The following PAGE2B variants were observed in gnomAD, a reference collection of about 807,000 sequenced individuals.
The protein encoded by PAGE2B is putative G antigen family E member 3.
PAGE2B carries 5 observed loss-of-function variants against 7.6 expected under a neutral mutation model. The ratio of observed to expected loss-of-function variants is 0.66; its 90% confidence interval spans 0.34 to 1.38. The LOEUF (loss-of-function observed/expected upper bound fraction) is 1.38. PAGE2B is among the 40% of genes most tolerant of loss of function. The pLI, the probability that PAGE2B is intolerant of heterozygous loss-of-function variation, is 0.04. For missense variants in PAGE2B, 70 were observed against 78.4 expected (o/e 0.89, Z 0.41); for synonymous variants, 29 against 26.7 (o/e 1.09, Z -0.27).
chrX:55,057,125 G>A, the PAGE2B span, among the ~76,000 whole-genome samples: 1 of 111,415 alleles, frequency 9.0e-6, no homozygotes, highest in African/African-American at 3.3e-5. Flanking sequence ...GATGGCTGTA[G>A]TGGTAGAGAA....
At chrX:55,071,424 A>G (rs757154702), upstream of PAGE2B, among the ~76,000 whole-genome samples, 2 of 111,880 alleles carry the variant, frequency 1.8e-5, 1 homozygote, top group South Asian at 7.5e-4. Flanking sequence ...ATCCACTGTT[A>G]GTCTGATGGG....
the PAGE2B span, among the ~76,000 whole-genome samples, chrX:55,069,019 A>G: frequency 8.9e-6 from 1 of 111,846 alleles, no homozygotes; most frequent in Non-Finnish European, 1.9e-5. Flanking sequence ...TCCTACCTGC[A>G]TACACTTTAT....
At chrX:55,051,707 C>T in the PAGE2B span, among the ~76,000 whole-genome samples, 10 of 111,337 alleles carry the variant, frequency 9.0e-5, no homozygotes, top group East Asian at 1.1e-3. Context: ...GTTATCCAGT[C>T]GTCTAATTTT....
the PAGE2B span, among the ~76,000 whole-genome samples, chrX:55,054,493 G>T: frequency 3.6e-5 from 4 of 112,009 alleles, no homozygotes; most frequent in South Asian, 3.7e-4. Context: ...ATAAATCATT[G>T]CTTTTATTTT....
the PAGE2B span, among the ~76,000 whole-genome samples, chrX:55,065,189 C>T: frequency 4.5e-3 from 505 of 111,503 alleles, 11 homozygotes; most frequent in Admixed American, 5.6e-3. Flanking sequence ...CTATCTCTTT[C>T]TTTAGCGCTA....
chrX:55,036,683 G>A, the PAGE2B span, among the ~76,000 whole-genome samples: 3 of 110,117 alleles, frequency 2.7e-5, no homozygotes, highest in African/African-American at 1.0e-4. Context: ...AAACAGCATG[G>A]TACTGGTACC....
intron 1 of PAGE2B, 133 bp from the exon 2 acceptor site, chrX:55,075,901 T>A: frequency 1.5e-6 from 1 of 654,977 alleles, no homozygotes; most frequent in Middle Eastern, 5.1e-4. Context: ...TGGGTACTTA[T>A]CAATGCTCTG....
chrX:55,052,390 G>C, the PAGE2B span, among the ~76,000 whole-genome samples: 4 of 112,578 alleles, frequency 3.6e-5, no homozygotes, highest in Non-Finnish European at 5.6e-5. Context: ...TTGTTTGTCT[G>C]TTCCCTGCCC....
chrX:55,053,465 G>A, the PAGE2B span, among the ~76,000 whole-genome samples: 1 of 111,724 alleles, frequency 9.0e-6, no homozygotes, highest in African/African-American at 3.3e-5. Flanking sequence ...AAACCACCAT[G>A]GCACCCATTT....
At chrX:55,068,223 T>G in the PAGE2B span, among the ~76,000 whole-genome samples, 1 of 112,330 alleles carries the variant, frequency 8.9e-6, no homozygotes, top group African/African-American at 3.2e-5. Context: ...CATCTTGAGT[T>G]GTATAAGATG....
the PAGE2B span, among the ~76,000 whole-genome samples, chrX:55,048,543 A>T: frequency 9.0e-6 from 1 of 111,394 alleles, no homozygotes; most frequent in Non-Finnish European, 1.9e-5. Context: ...CTGGATTCCT[A>T]GGTATTTTAT....
chrX:55,061,700 A>T, the PAGE2B span, among the ~76,000 whole-genome samples: 1 of 110,769 alleles, frequency 9.0e-6, no homozygotes, highest in South Asian at 3.8e-4. Context: ...ATTCTTTCTA[A>T]CTATATTTTT....
chrX:55,070,131 G>A (rs1435145992), upstream of PAGE2B, among the ~76,000 whole-genome samples: 3 of 111,123 alleles, frequency 2.7e-5, no homozygotes, highest in African/African-American at 9.8e-5. Context: ...GTGATGTTAG[G>A]ATGTTGATTT....
At chrX:55,040,940 T>C in the PAGE2B span, among the ~76,000 whole-genome samples, 1 of 111,539 alleles carries the variant, frequency 9.0e-6, no homozygotes, top group African/African-American at 3.3e-5. Context: ...ACTTTAGCTG[T>C]ATCTATTTAA....
chrX:55,064,042 G>A, the PAGE2B span, among the ~76,000 whole-genome samples: 1 of 111,056 alleles, frequency 9.0e-6, no homozygotes, highest in Non-Finnish European at 1.9e-5. Flanking sequence ...TCTTTGTCTG[G>A]TTTTGGTATC....
At chrX:55,033,151 T>C in the PAGE2B span, among the ~76,000 whole-genome samples, 2 of 112,124 alleles carry the variant, frequency 1.8e-5, no homozygotes, top group Non-Finnish European at 3.8e-5. Flanking sequence ...CTGTCAGAAA[T>C]GCCTGTTGCA....
the PAGE2B span, among the ~76,000 whole-genome samples, chrX:55,031,591 A>G: frequency 1.8e-5 from 2 of 111,992 alleles, no homozygotes; most frequent in African/African-American, 6.5e-5. Context: ...CCTATGTTAC[A>G]GATGAAGAAA....
the PAGE2B span, among the ~76,000 whole-genome samples, chrX:55,039,303 G>T: frequency 1.8e-5 from 2 of 111,085 alleles, 1 homozygote; most frequent in African/African-American, 6.6e-5. Context: ...TTTCACAGTA[G>T]CGATGAAGAT....
rs1476127292 is a variant in PAGE2B at position 55,076,047 on chromosome X, T to C, written c.6T>C (p.Ser2=). 1.7e-6 allele frequency: 2 copies of C among 1,206,255 alleles called. No individual in the cohort carries two copies. Among genetic ancestry groups the C allele is most frequent in the East Asian group, 5.9e-5 (2 of 33,750 alleles). The change falls in exon 2 of 5, where the codon AGT becomes AGC. Residue 2 remains serine, a synonymous_variant. Coordinates refer to ENST00000374971, the MANE Select transcript of PAGE2B (RefSeq NM_001015038.3). M[S]EHVRTRSQSS... is the part of the protein sequence containing the mutation. ...TTCTATTTTCAGTGGGAAATATGAG[T>C]GAGCATGTGAGAACAAGATCCCAAT...
Sources: allele counts gnomAD v4.1 joint callset (sites outside exome capture counted in the v4.1 genomes callset), GRCh38; gene constraint gnomAD v4.1.1; transcripts MANE v1.5; gene names NCBI Gene and HGNC (gene_info 2026-07-23, HGNC 2026-07-21).